CNGA1: variants seen among roughly 807,000 people sequenced by gnomAD.
CNGA1 encodes cyclic nucleotide-gated channel alpha-1.
Under a neutral mutation model 69.7 loss-of-function variants are expected in CNGA1, and 53 were observed. The observed-to-expected ratio is 0.76, with a 90% CI of 0.61 to 0.96. The LOEUF is 0.96. Ranked by LOEUF, CNGA1 falls within the 40% of genes least tolerant of loss-of-function variation. CNGA1 has a pLI of 0.00. For missense variants in CNGA1, 739 were observed against 811.2 expected (o/e 0.91, Z 1.08); for synonymous variants, 249 against 283.5 (o/e 0.88, Z 1.22).
At chr4:47,972,426 G>C (rs1741093649) in intron 3 of CNGA1, among the ~76,000 whole-genome samples, 1 of 152,158 alleles carries the variant, frequency 6.6e-6, no homozygotes. Context: ...TCTAGTTTCA[G>C]TTCACTAGAG....
chr4:47,980,472 CTTTTTTTTT>C (rs5858098), intron 3 of CNGA1, among the ~76,000 whole-genome samples: 1 of 112,384 alleles, frequency 8.9e-6, no homozygotes, highest in Non-Finnish European at 1.8e-5. Context: ...TTCTTTCTTT[CTTTTTTTTT>C]TTTTTTTTTT....
At chr4:47,977,790 A>G (rs1741490603) in intron 3 of CNGA1, among the ~76,000 whole-genome samples, 1 of 152,116 alleles carries the variant, frequency 6.6e-6, no homozygotes, top group African/African-American at 2.4e-5. Flanking sequence ...AAAAAAGTAT[A>G]CATCTACACT....
intron 3 of CNGA1, among the ~76,000 whole-genome samples, chr4:47,955,690 C>T (rs1383068957): frequency 1.3e-5 from 2 of 152,316 alleles, no homozygotes; most frequent in South Asian, 2.1e-4. Flanking sequence ...GCCACTGACT[C>T]CTCGCCCTTG....
At chr4:47,982,555 G>C (rs1410419450) in intron 2 of CNGA1, among the ~76,000 whole-genome samples, 1 of 151,888 alleles carries the variant, frequency 6.6e-6, no homozygotes, top group Non-Finnish European at 1.5e-5. Context: ...AAAGAAAATG[G>C]AAACATAGTC....
intron 3 of CNGA1, chr4:47,958,972 A>G (rs1363194696): frequency 2.0e-5 from 3 of 152,240 alleles, no homozygotes; most frequent in African/African-American, 4.8e-5. Context: ...ATTTATTTTT[A>G]TTACAGAAAT....
chr4:47,947,660 T>C (rs1266145721), intron 6 of CNGA1, among the ~76,000 whole-genome samples: 1 of 151,142 alleles, frequency 6.6e-6, no homozygotes, highest in Non-Finnish European at 1.5e-5. Context: ...ACTGAGTGAG[T>C]ACCTGTCTCA....
At chr4:47,943,342 A>T (rs1739209991) in intron 7 of CNGA1, 29 bp downstream of exon 7, 6 of 1,540,214 alleles carry the variant, frequency 3.9e-6, no homozygotes, top group Non-Finnish European at 4.4e-6. Context: ...GGGCAGAAAA[A>T]TGTGGGGTAA....
Position 47,936,225 on chromosome 4 carries a change from T to C in CNGA1, c.*196A>G. On this transcript the variant is annotated 3_prime_UTR_variant, in exon 11 of 11. Coordinates refer to ENST00000514170, the MANE Select transcript of CNGA1 (RefSeq NM_001379270.1). ...TTTGCACATTATCAGTTGTGAAAAA[T>C]CCCAAGATATAAAGCTTTTTTAATC... is the stretch of plus-strand genomic sequence containing the variant. The C allele has an allele frequency of 1.6e-6, 1 of 614,496 alleles. No homozygotes were observed. The highest frequency in any genetic ancestry group is 2.9e-6 in the Non-Finnish European group (1 of 350,522). The allele number at this position is 614,496 out of a possible 1,614,324, so 38.1% of individuals were successfully genotyped here.
intron 1 of CNGA1, among the ~76,000 whole-genome samples, chr4:48,013,394 G>A (rs1253253426): frequency 6.6e-6 from 1 of 152,234 alleles, no homozygotes; most frequent in Non-Finnish European, 1.5e-5. Context: ...TCAGAGCACA[G>A]TTGGGTTTTA....
chr4:47,949,550 G>A (rs1351092815), intron 6 of CNGA1, among the ~76,000 whole-genome samples: 1 of 152,122 alleles, frequency 6.6e-6, no homozygotes, highest in African/African-American at 2.4e-5. Context: ...GCTCAAACTG[G>A]AAAGGAGTAA....
At chr4:47,939,026 AAG>A (rs996216834) in intron 10 of CNGA1, among the ~76,000 whole-genome samples, 8 of 151,906 alleles carry the variant, frequency 5.3e-5, no homozygotes, top group Non-Finnish European at 1.2e-4. Context: ...AGAAGAAAGA[AAG>A]AAAGAGAAAG....
In CNGA1 at chr4:47,940,767, C is replaced by T; in HGVS notation, c.648G>A (p.Arg216=). 6.3e-7 allele frequency: 1 copy of T among 1,578,788 alleles called. No homozygotes were observed. The highest frequency in any genetic ancestry group is 8.7e-7 in the Non-Finnish European group (1 of 1,148,388). The part of the protein sequence containing the change: ...VYLIDMFVRT[R]TGYLEQGLLV... ...TTCAAAACTGAACATATTTACCTGT[C>T]CTTGTTCGTACAAACATATCGATTA... The change falls in exon 10 of 11, where the codon AGG becomes AGA. Residue 216 remains arginine (R), a synonymous_variant. Transcript: ENST00000514170.
At chr4:47,982,861 G>T (rs1218081002) in intron 2 of CNGA1, among the ~76,000 whole-genome samples, 1 of 152,110 alleles carries the variant, frequency 6.6e-6, no homozygotes. Context: ...CTGGAGTGCA[G>T]TGGTGCCATC....
At chr4:47,938,652 A>G (rs1578062713) in intron 10 of CNGA1, among the ~76,000 whole-genome samples, 1 of 152,170 alleles carries the variant, frequency 6.6e-6, no homozygotes, top group South Asian at 2.1e-4. Context: ...TGGCCTCCCA[A>G]AGTGCTGGGA....
chr4:47,977,941 C>T (rs1002666800), intron 3 of CNGA1, among the ~76,000 whole-genome samples: 2 of 152,062 alleles, frequency 1.3e-5, no homozygotes, highest in Non-Finnish European at 2.9e-5. Flanking sequence ...ATTCTCCTGC[C>T]TCAGCCTCCC....
At chr4:47,973,045 A>T (rs1253390922) in intron 3 of CNGA1, among the ~76,000 whole-genome samples, 1 of 151,386 alleles carries the variant, frequency 6.6e-6, no homozygotes, top group Non-Finnish European at 1.5e-5. Context: ...CTGATATAGT[A>T]CACAGACTTT....
intron 2 of CNGA1, among the ~76,000 whole-genome samples, chr4:48,001,172 T>G (rs898119559): frequency 6.6e-6 from 1 of 152,082 alleles, no homozygotes; most frequent in Non-Finnish European, 1.5e-5. Flanking sequence ...GTCATAATAA[T>G]AAATGTTAAT....
At chr4:47,938,534 A>G (rs1205892331) in intron 10 of CNGA1, among the ~76,000 whole-genome samples, 1 of 152,036 alleles carries the variant, frequency 6.6e-6, no homozygotes, top group Non-Finnish European at 1.5e-5. Flanking sequence ...CTAGGACTAC[A>G]GGCACGTGCC....
intron 2 of CNGA1, among the ~76,000 whole-genome samples, chr4:47,983,719 C>G (rs1406416313): frequency 1.3e-5 from 2 of 152,130 alleles, no homozygotes; most frequent in African/African-American, 4.8e-5. Context: ...TTTGGAAACC[C>G]ATGAAGTAAT....
Sources: allele counts gnomAD v4.1 joint callset (sites outside exome capture counted in the v4.1 genomes callset), GRCh38; gene constraint gnomAD v4.1.1; transcripts MANE v1.5; gene names NCBI Gene and HGNC (gene_info 2026-07-23, HGNC 2026-07-21).